The following STON1 variants were observed in gnomAD, a reference collection of about 807,000 sequenced individuals.
The protein encoded by STON1 is stonin-1.
STON1 carries 79 observed loss-of-function variants against 60.9 expected under a neutral mutation model. That is an observed-to-expected ratio of 1.30 (90% CI 1.08 to 1.56). The LOEUF is 1.56. STON1 is among the 40% of genes most tolerant of loss of function. STON1 has a pLI of 0.00. For missense variants in STON1, 1,166 were observed against 858.9 expected (o/e 1.36, Z -4.47); for synonymous variants, 363 against 306.9 (o/e 1.18, Z -1.91).
At chr2:48,573,361 A>G (rs1673315806) in intron 1 of STON1, among the ~76,000 whole-genome samples, 1 of 152,204 alleles carries the variant, frequency 6.6e-6, no homozygotes, top group South Asian at 2.1e-4. Context: ...TCCCAGCACT[A>G]AAGCCCATGT....
At position 48,582,152 on chromosome 2, in the gene STON1, C is replaced by G. The variant is rs769045948; in HGVS notation, c.1519C>G (p.Leu507Val). 1 of 1,614,108 alleles carries G rather than the reference C, an allele frequency of 6.2e-7. No homozygotes were observed. The highest frequency in any genetic ancestry group is 1.1e-5 in the South Asian group (1 of 91,092). ...EQSRIIKFVP[L>V]DACRFELMRF... The stretch of plus-strand genomic sequence containing the variant: ...ATCAAGAATCATTAAGTTTGTACCT[C>G]TGGATGCCTGCCGGTTTGAGCTGAT... Residue 507 changes from leucine to valine, a missense_variant, in exon 2 of 4, where the codon CTG becomes GTG. Leu to Val is a conservative substitution (Grantham distance 32, BLOSUM62 1). Coordinates refer to ENST00000404752, the MANE Select transcript of STON1 (RefSeq NM_006873.4).
chr2:48,583,837 C>T (rs545127979), intron 2 of STON1, among the ~76,000 whole-genome samples: 9 of 151,768 alleles, frequency 5.9e-5, no homozygotes, highest in East Asian at 1.9e-4. Flanking sequence ...CTGCAACCTC[C>T]GCCTCTCGGG....
intron 1 of STON1, among the ~76,000 whole-genome samples, chr2:48,550,016 G>A (rs1053012660): frequency 6.6e-6 from 1 of 151,646 alleles, no homozygotes; most frequent in South Asian, 2.1e-4. Flanking sequence ...TAAGACATGG[G>A]ACAGCAGGGC....
Position 48,564,899 on chromosome 2 carries a change from A to T in STON1, c.-47-15688A>T, listed in dbSNP as rs559416877. Among the ~76,000 whole-genome samples the T allele has an allele frequency of 1.1e-3, 159 of 140,812 alleles. 1 individual carries two copies. The highest frequency in any genetic ancestry group is 3.7e-3 in the Admixed American group (52 of 14,012). 92.4% of individuals were successfully genotyped at this position (140,812 alleles called of 152,430 possible). A position where few individuals can be genotyped will look rare whatever the true frequency, so the allele number is the denominator to read the frequency against. On this transcript the variant is annotated intron_variant, in intron 1 of 3. Coordinates refer to ENST00000404752, the MANE Select transcript of STON1 (RefSeq NM_006873.4). ...AGGCGTGCACCACCACGCCCGGCTA[A>T]TTTTTGTATTTTTAGTAGAGACGGG... is the stretch of plus-strand genomic sequence containing the variant.
At chr2:48,540,414 C>G (rs111325803) in intron 1 of STON1, among the ~76,000 whole-genome samples, 2 of 152,086 alleles carry the variant, frequency 1.3e-5, no homozygotes, top group East Asian at 1.9e-4. Flanking sequence ...TTGATGCACC[C>G]AATGCCCTGG....
In STON1 at chr2:48,597,767, T is replaced by C. The variant is rs1674843422; in HGVS notation, c.*2465T>C. On this transcript the variant is annotated 3_prime_UTR_variant, in exon 4 of 4. Transcript: ENST00000404752. ...TAAATATTCATTACTTAATGTTAAATTAACATTCTGTGTAGGGAGGGGAGG... is the reference window on the plus strand; with the variant it reads ...TAAATATTCATTACTTAATGTTAAACTAACATTCTGTGTAGGGAGGGGAGG... 1 of 152,602 alleles carries C rather than the reference T, an allele frequency of 6.6e-6. No homozygotes were observed. Among genetic ancestry groups the C allele is most frequent in the Non-Finnish European group, 1.5e-5 (1 of 68,036 alleles). 9.5% of individuals were successfully genotyped at this position (152,602 alleles called of 1,614,324 possible). A position where few individuals can be genotyped will look rare whatever the true frequency, so the allele number is the denominator to read the frequency against.
intron 2 of STON1, among the ~76,000 whole-genome samples, chr2:48,586,776 C>T (rs938021109): frequency 2.0e-5 from 3 of 152,036 alleles, no homozygotes; most frequent in Admixed American, 6.6e-5. Flanking sequence ...GCATGCAGTG[C>T]AGAGGAAAGA....
At chr2:48,564,644 C>CTTCTTCTTTCTTATTT (rs1558606341) in intron 1 of STON1, among the ~76,000 whole-genome samples, 1 of 117,020 alleles carries the variant, frequency 8.5e-6, no homozygotes, top group African/African-American at 3.6e-5. Context: ...TTCTCCTTCT[C>CTTCTTCTTTCTTATTT]CTTCTTCTTC....
At chr2:48,535,168 C>T (rs1314301515) in intron 1 of STON1, among the ~76,000 whole-genome samples, 1 of 151,680 alleles carries the variant, frequency 6.6e-6, no homozygotes, top group Non-Finnish European at 1.5e-5. Context: ...CACCGAGGCT[C>T]AAATGTACCT....
Position 48,557,027 on chromosome 2 carries a change from C to T in STON1, c.-47-23560C>T, listed in dbSNP as rs1443295438. ...ACGGCTGCCCGGGCGGGGGGGCTGACCCCCCACCTCCCTCCCGGATGGGGC... is the reference window on the plus strand; with the variant it reads ...ACGGCTGCCCGGGCGGGGGGGCTGATCCCCCACCTCCCTCCCGGATGGGGC... On this transcript the variant is annotated intron_variant, in intron 1 of 3. Coordinates refer to ENST00000404752, the MANE Select transcript of STON1 (RefSeq NM_006873.4). 3.7e-3 allele frequency among the ~76,000 whole-genome samples: 357 copies of T among 97,088 alleles called. 18 individuals carry two copies. Among genetic ancestry groups the T allele is most frequent in the African/African-American group, 0.013 (332 of 25,560 alleles). The allele number at this position is 97,088 out of a possible 152,430, so 63.7% of individuals were successfully genotyped here.
At chr2:48,578,818 T>G (rs1182571186) in intron 1 of STON1, among the ~76,000 whole-genome samples, 2 of 152,000 alleles carry the variant, frequency 1.3e-5, no homozygotes, top group Non-Finnish European at 2.9e-5. Flanking sequence ...CTCTAACTCC[T>G]GACCTCAAGT....
chr2:48,552,156 T>C (rs1188637046), intron 1 of STON1, among the ~76,000 whole-genome samples: 1 of 152,244 alleles, frequency 6.6e-6, no homozygotes, highest in Non-Finnish European at 1.5e-5. Flanking sequence ...AATGGAATAT[T>C]ATTCAGCCTT....
Position 48,580,589 on chromosome 2 carries a change from T to G in STON1, c.-45T>G, listed in dbSNP as rs781182267. The G allele has an allele frequency of 2.3e-6, 3 of 1,320,280 alleles. No homozygotes were observed. 81.8% of individuals were successfully genotyped at this position (1,320,280 alleles called of 1,614,324 possible). ...TCTTTATTTTATTTTTTTAACAGAG[T>G]CAACCTATTTGATTTCTTGACAAGA... On this transcript the variant is annotated splice_region_variant and 5_prime_UTR_variant, in exon 2 of 4. Coordinates refer to ENST00000404752, the MANE Select transcript of STON1 (RefSeq NM_006873.4).
chr2:48,564,484 T>TTCTTCTTCC lies in STON1; in HGVS notation c.-47-16095_-47-16094insCTCTTCTTC, dbSNP rs1672792537. ...TTCTTCTTCTTCTTCTTCTTCTTTCTTCTTCTTCTTCTTCTTCTTCTTCTT... is the reference window on the plus strand; with the variant it reads ...TTCTTCTTCTTCTTCTTCTTCTTTCTTCTTCTTCCTCTTCTTCTTCTTCTTCTTCTTCTT... On this transcript the variant is annotated intron_variant, in intron 1 of 3. Coordinates refer to ENST00000404752, the MANE Select transcript of STON1 (RefSeq NM_006873.4). Among the ~76,000 whole-genome samples the TTCTTCTTCC allele has an allele frequency of 8.6e-5, 2 of 23,292 alleles. 1 individual carries two copies. The highest frequency in any genetic ancestry group is 1.7e-4 in the Non-Finnish European group (2 of 11,456). 15.3% of individuals were successfully genotyped at this position (23,292 alleles called of 152,430 possible).
Position 48,590,851 on chromosome 2 carries a change from G to A in STON1, c.1931-802G>A, listed in dbSNP as rs1030166101. Among the ~76,000 whole-genome samples the A allele has an allele frequency of 2.8e-4, 42 of 152,120 alleles. 1 individual carries two copies. Among genetic ancestry groups the A allele is most frequent in the African/African-American group, 8.7e-4 (36 of 41,424 alleles). The stretch of plus-strand genomic sequence containing the variant: ...TGTTCCAGTCAAAGTATTTTGGAAG[G>A]ATGAGTGAGAATTACAGTAGGGAAA... On this transcript the variant is annotated intron_variant, in intron 2 of 3. Transcript: ENST00000404752.
chr2:48,578,812 A>C (rs1484061812), intron 1 of STON1, among the ~76,000 whole-genome samples: 1 of 151,578 alleles, frequency 6.6e-6, no homozygotes, highest in East Asian at 2.0e-4. Flanking sequence ...GCTGGTCTCT[A>C]ACTCCTGACC....
At chr2:48,544,657 T>G (rs1221492732) in intron 1 of STON1, among the ~76,000 whole-genome samples, 11 of 152,028 alleles carry the variant, frequency 7.2e-5, no homozygotes. Flanking sequence ...GCGATCCTCC[T>G]GCTTCAGCCT....
Position 48,596,950 on chromosome 2 carries a change from A to G in STON1, c.*1648A>G, listed in dbSNP as rs1023827790. The G allele has an allele frequency of 2.6e-5, 4 of 152,290 alleles. No individual in the cohort carries two copies. The highest frequency in any genetic ancestry group is 7.2e-5 in the African/African-American group (3 of 41,536). 9.4% of individuals were successfully genotyped at this position (152,290 alleles called of 1,614,324 possible). A position where few individuals can be genotyped will look rare whatever the true frequency, so the allele number is the denominator to read the frequency against. Reference sequence around the variant, plus strand: ...CTGCAACCTCCGCCTCCTGGGTTCAAGGGATTCTCCTGCCTCAGCCTCCAA... The same window carrying G: ...CTGCAACCTCCGCCTCCTGGGTTCAGGGGATTCTCCTGCCTCAGCCTCCAA... On this transcript the variant is annotated 3_prime_UTR_variant, in exon 4 of 4. Coordinates refer to ENST00000404752, the MANE Select transcript of STON1 (RefSeq NM_006873.4).
chr2:48,592,308 A>C (rs1674566092), intron 3 of STON1, among the ~76,000 whole-genome samples: 1 of 152,026 alleles, frequency 6.6e-6, no homozygotes, highest in Non-Finnish European at 1.5e-5. Context: ...GTTTTTCCCA[A>C]CTCATTGGCT....
Sources: allele counts gnomAD v4.1 joint callset (sites outside exome capture counted in the v4.1 genomes callset), GRCh38; gene constraint gnomAD v4.1.1; transcripts MANE v1.5; gene names NCBI Gene and HGNC (gene_info 2026-07-23, HGNC 2026-07-21).